The following ANKRD17 variants were observed in gnomAD, a reference collection of about 807,000 sequenced individuals.
ANKRD17 encodes the protein ankyrin repeat domain-containing protein 17.
A neutral mutation model predicts 229.7 loss-of-function variants in ANKRD17; 19 were observed. The observed-to-expected ratio is 0.08, with a 90% CI of 0.06 to 0.12. The LOEUF is 0.12. Ranked by LOEUF, ANKRD17 falls within the 10% of genes least tolerant of loss-of-function variation. The probability of loss-of-function intolerance (pLI) is 1.00; values close to 1 mark genes in which losing one functional copy is unlikely to be tolerated. For missense variants in ANKRD17, 2,176 were observed against 3,176.8 expected (o/e 0.68, Z 7.57); for synonymous variants, 1,112 against 1,146.1 (o/e 0.97, Z 0.60).
intron 27 of ANKRD17, among the ~76,000 whole-genome samples, chr4:73,094,915 A>G (rs2110184324): frequency 6.6e-6 from 1 of 152,324 alleles, no homozygotes; most frequent in Admixed American, 6.5e-5. Context: ...TCATGCCTGT[A>G]ATCCCAGCAC....
At chr4:73,248,490 C>T (rs1375916896) in intron 1 of ANKRD17, among the ~76,000 whole-genome samples, 14 of 151,986 alleles carry the variant, frequency 9.2e-5, no homozygotes, top group Admixed American at 9.2e-4. Flanking sequence ...GAAATAATGT[C>T]CCCATTTCTT....
chr4:73,209,218 C>G (rs1739929324), intron 1 of ANKRD17, among the ~76,000 whole-genome samples: 2 of 151,724 alleles, frequency 1.3e-5, no homozygotes, highest in African/African-American at 4.8e-5. Flanking sequence ...AAACAAAAAA[C>G]AAAACAAAAC....
At chr4:73,247,572 G>A (rs533775962) in intron 1 of ANKRD17, among the ~76,000 whole-genome samples, 14 of 151,428 alleles carry the variant, frequency 9.2e-5, no homozygotes, top group Non-Finnish European at 1.6e-4. Flanking sequence ...ACACACACAC[G>A]CACTCAGTCT....
chr4:73,216,237 G>A (rs1578424820), intron 1 of ANKRD17, among the ~76,000 whole-genome samples: 1 of 151,958 alleles, frequency 6.6e-6, no homozygotes, highest in East Asian at 1.9e-4. Flanking sequence ...ATGTTAACAT[G>A]CAATGGTTTA....
At chr4:73,140,541 G>A (rs1467710546) in intron 14 of ANKRD17, among the ~76,000 whole-genome samples, 5 of 152,134 alleles carry the variant, frequency 3.3e-5, no homozygotes, top group South Asian at 2.1e-4. Flanking sequence ...GACAATAGAG[G>A]AATGCAGGTT....
intron 2 of ANKRD17, among the ~76,000 whole-genome samples, chr4:73,174,739 T>C (rs1358063555): frequency 6.6e-6 from 1 of 151,908 alleles, no homozygotes; most frequent in Non-Finnish European, 1.5e-5. Context: ...AGGAAACAAA[T>C]CAACATACAA....
chr4:73,149,207 G>A (rs1441358005), intron 7 of ANKRD17, among the ~76,000 whole-genome samples, 157 bp from the exon 8 acceptor site: 1 of 152,090 alleles, frequency 6.6e-6, no homozygotes, highest in East Asian at 1.9e-4. Context: ...TATTTATTAT[G>A]CACTGCCTAT....
intron 22 of ANKRD17, 135 bp downstream of exon 22, chr4:73,118,553 A>G: frequency 2.1e-6 from 2 of 957,810 alleles, no homozygotes; most frequent in Non-Finnish European, 3.1e-6. Context: ...TGTTGCCATA[A>G]GAGTAATTAT....
chr4:73,140,188 C>G lies in ANKRD17; in HGVS notation c.2428G>C (p.Glu810Gln). The G allele has an allele frequency of 6.2e-7, 1 of 1,614,140 alleles. No homozygotes were observed. Among genetic ancestry groups the G allele is most frequent in the Non-Finnish European group, 8.5e-7 (1 of 1,180,040 alleles). Reference protein sequence around the residue: ...TNQSPESIVEEAQGKLTELEQ... With the variant: ...TNQSPESIVEQAQGKLTELEQ... ...AGTTCTGTTAACTTTCCCTGAGCCTCTTCTACAATGCTCTCTGGAGACTGA... is the reference window on the plus strand; with the variant it reads ...AGTTCTGTTAACTTTCCCTGAGCCTGTTCTACAATGCTCTCTGGAGACTGA... The change falls in exon 15 of 34, where the codon GAG becomes CAG. Residue 810 changes from glutamate to glutamine, a missense_variant. Glu to Gln is a conservative substitution (Grantham distance 29, BLOSUM62 2). This residue lies in a region of ANKRD17 where 275 missense variants were observed against 386.9 expected (regional missense o/e 0.71). Transcript: ENST00000358602.
chr4:73,168,484 C>G (rs1296119087), intron 2 of ANKRD17, among the ~76,000 whole-genome samples: 2 of 151,878 alleles, frequency 1.3e-5, no homozygotes, highest in Admixed American at 1.3e-4. Context: ...AAACATTGTT[C>G]CTATGGGGAT....
At position 73,075,964 on chromosome 4, in the gene ANKRD17, A is replaced by T. The variant is rs1303850542; in HGVS notation, c.*267T>A. 3.2e-6 allele frequency: 1 copy of T among 316,562 alleles called. No individual in the cohort carries two copies. Among genetic ancestry groups the T allele is most frequent in the Non-Finnish European group, 5.8e-6 (1 of 172,646 alleles). The allele number at this position is 316,562 out of a possible 1,614,324, so 19.6% of individuals were successfully genotyped here. A position where few individuals can be genotyped will look rare whatever the true frequency, so the allele number is the denominator to read the frequency against. ...CAACCAGCCAAAGAACAGCTTCAAC[A>T]GAAAGTTATGTCCAAAGGGGAAGAG... is the stretch of plus-strand genomic sequence containing the variant. On this transcript the variant is annotated 3_prime_UTR_variant, in exon 34 of 34. Transcript: ENST00000358602.
chr4:73,085,107 C>A (rs1193483805), intron 30 of ANKRD17, 142 bp downstream of exon 30: 1 of 844,958 alleles, frequency 1.2e-6, no homozygotes, highest in African/African-American at 1.7e-5. Flanking sequence ...CATTTAAATA[C>A]CTAGAAATTT....
chr4:73,245,191 A>G (rs1744387329), intron 1 of ANKRD17, among the ~76,000 whole-genome samples: 1 of 150,150 alleles, frequency 6.7e-6, no homozygotes, highest in South Asian at 2.1e-4. Flanking sequence ...GATCAAGTTA[A>G]GAGTGTTGCT....
At chr4:73,246,908 GA>G (rs1744556341) in intron 1 of ANKRD17, among the ~76,000 whole-genome samples, 1 of 152,034 alleles carries the variant, frequency 6.6e-6, no homozygotes, top group Non-Finnish European at 1.5e-5. Context: ...AAAGTACAAA[GA>G]AAAATTTCTA....
intron 1 of ANKRD17, among the ~76,000 whole-genome samples, chr4:73,251,109 C>A (rs1243548346): frequency 2.0e-5 from 3 of 152,064 alleles, no homozygotes; most frequent in Non-Finnish European, 4.4e-5. Flanking sequence ...CATCTCTACA[C>A]ACACACAAAA....
chr4:73,113,111 G>A, intron 24 of ANKRD17: 1 of 1,209,188 alleles, frequency 8.3e-7, no homozygotes, highest in African/African-American at 1.6e-5. Flanking sequence ...TAAAAGATGA[G>A]ATATGGCAGT....
At chr4:73,112,017 G>A (rs1360198744) in intron 24 of ANKRD17, among the ~76,000 whole-genome samples, 4 of 152,128 alleles carry the variant, frequency 2.6e-5, no homozygotes, top group Non-Finnish European at 5.9e-5. Context: ...GGACATCTAA[G>A]GGACATTCAT....
At chr4:73,118,975 C>A in intron 21 of ANKRD17, 125 bp from the exon 22 acceptor site, 3 of 972,166 alleles carry the variant, frequency 3.1e-6, no homozygotes, top group Non-Finnish European at 4.5e-6. Flanking sequence ...CAGCCTCCAC[C>A]TCCAGGGGTC....
In ANKRD17 at chr4:73,155,707, A is replaced by G. The variant is rs1209221204; in HGVS notation, c.924T>C (p.Ala308=). The G allele has an allele frequency of 6.2e-7, 1 of 1,614,060 alleles. No homozygotes were observed. The highest frequency in any genetic ancestry group is 1.7e-5 in the Admixed American group (1 of 60,012). Residue 308 remains alanine (A), a synonymous_variant, in exon 5 of 34, where the codon GCT becomes GCC. Transcript: ENST00000358602. ...IKGDITPLMA[A]ANGGHVKIVK... ...CAATTTTGACATGTCCTCCATTAGC[A>G]GCAGCCATTAAAGGTGTAATGTCAC...
Sources: allele counts gnomAD v4.1 joint callset (sites outside exome capture counted in the v4.1 genomes callset), GRCh38; gene constraint gnomAD v4.1.1; regional missense constraint gnomAD v4.1.1; transcripts MANE v1.5; gene names NCBI Gene and HGNC (gene_info 2026-07-23, HGNC 2026-07-21).